Variants in ESR1 observed in about 807,000 individuals in gnomAD.
ESR1 encodes estrogen receptor.
Under a neutral mutation model 52.7 loss-of-function variants are expected in ESR1, and 12 were observed. The observed-to-expected ratio is 0.23, with a 90% confidence interval of 0.15 to 0.37. The LOEUF (loss-of-function observed/expected upper bound fraction) is 0.37, where lower values mean the gene tolerates loss of function less well. ESR1 is among the 10% of genes least tolerant of loss of function. The pLI is 1.00. For synonymous variants in ESR1, 305 were observed against 316.8 expected (o/e 0.96, Z 0.39); for missense variants, 584 against 779.7 (o/e 0.75, Z 2.99).
At chr6:151,847,259 C>A (rs984894156) in intron 2 of ESR1, among the ~76,000 whole-genome samples, 1 of 152,304 alleles carries the variant, frequency 6.6e-6, no homozygotes, top group Non-Finnish European at 1.5e-5. Flanking sequence ...CAGTCCAGCA[C>A]CCTGGATAGC....
intron 3 of ESR1, among the ~76,000 whole-genome samples, chr6:151,932,621 G>A (rs1397719648): frequency 5.1e-5 from 7 of 136,992 alleles, no homozygotes; most frequent in African/African-American, 1.7e-4. Context: ...ATCTTGAATT[G>A]ATTTTTGTAT....
Position 151,880,955 on chromosome 6 carries a change from G to A in ESR1, c.760+184G>A, listed in dbSNP as rs9340848. Among the ~76,000 whole-genome samples, 621 of 152,256 alleles carry A rather than the reference G, an allele frequency of 4.1e-3. 7 individuals carry two copies. Among genetic ancestry groups the A allele is most frequent in the African/African-American group, 0.014 (598 of 41,542 alleles). On this transcript the variant is annotated intron_variant, in intron 3 of 7. Coordinates refer to ENST00000206249, the MANE Select transcript of ESR1 (RefSeq NM_000125.4). Reference sequence around the variant, plus strand: ...TCCATTTTATTTTAAAAAGGTGGAAGTGTCTGGAACTGGAAATTCTAACAT... The same window carrying A: ...TCCATTTTATTTTAAAAAGGTGGAAATGTCTGGAACTGGAAATTCTAACAT...
chr6:151,816,437 G>A (rs1271984757), intron 1 of ESR1, among the ~76,000 whole-genome samples: 1 of 152,166 alleles, frequency 6.6e-6, no homozygotes, highest in Admixed American at 6.5e-5. Context: ...TGGATGATGT[G>A]AGGATTAAAC....
intron 3 of ESR1, among the ~76,000 whole-genome samples, chr6:151,882,345 A>G (rs570813731): frequency 3.3e-5 from 5 of 152,230 alleles, no homozygotes; most frequent in Non-Finnish European, 4.4e-5. Context: ...AGCTGTGACT[A>G]TGACTATACA....
intron 1 of ESR1, among the ~76,000 whole-genome samples, chr6:151,838,698 G>C (rs904903793): frequency 3.3e-5 from 5 of 152,002 alleles, no homozygotes; most frequent in African/African-American, 7.3e-5. Context: ...GTAAGTCTGG[G>C]CCAAAATGAT....
intron 2 of ESR1, among the ~76,000 whole-genome samples, chr6:151,850,505 A>G (rs1387244126): frequency 6.6e-6 from 1 of 151,904 alleles, no homozygotes; most frequent in Non-Finnish European, 1.5e-5. Flanking sequence ...CAAAGCAAGG[A>G]ACACCAAAGA....
At chr6:152,019,598 A>C (rs1382575010) in intron 5 of ESR1, among the ~76,000 whole-genome samples, 1 of 152,238 alleles carries the variant, frequency 6.6e-6, no homozygotes, top group African/African-American at 2.4e-5. Context: ...TAACATTTTT[A>C]CACACCACAT....
chr6:151,739,755 T>C (rs1321924215), intron 2 of ESR1, among the ~76,000 whole-genome samples: 1 of 152,272 alleles, frequency 6.6e-6, no homozygotes, highest in Non-Finnish European at 1.5e-5. Flanking sequence ...TAAGTTCATT[T>C]TGGACTTCTG....
chr6:151,671,098 A>G (rs942467266), intron 1 of ESR1, among the ~76,000 whole-genome samples: 9 of 152,176 alleles, frequency 5.9e-5, no homozygotes, highest in African/African-American at 2.2e-4. Flanking sequence ...GAGAGGAGTT[A>G]GAGGAAATTG....
At chr6:151,718,714 A>G (rs1054804249) in intron 2 of ESR1, among the ~76,000 whole-genome samples, 2 of 152,232 alleles carry the variant, frequency 1.3e-5, no homozygotes, top group East Asian at 3.8e-4. Flanking sequence ...CCTTAAAAAT[A>G]TCTTTTAGTT....
intron 4 of ESR1, among the ~76,000 whole-genome samples, chr6:151,967,944 G>T (rs900307165): frequency 3.3e-5 from 5 of 152,138 alleles, no homozygotes; most frequent in African/African-American, 1.2e-4. Context: ...GGGATGATCA[G>T]CTTTTTTTCA....
At position 152,053,918 on chromosome 6, in the gene ESR1, A is replaced by G. The variant is rs2046895662; in HGVS notation, c.1236-7073A>G. 1.3e-5 allele frequency among the ~76,000 whole-genome samples: 2 copies of G among 152,190 alleles called. No homozygotes were observed. Among genetic ancestry groups the G allele is most frequent in the South Asian group, 4.1e-4 (2 of 4,828 alleles). ...TGTAGAAAATATATGTATAGGAATAATTGCACATTGTTTGTTGTAGCTGAA... is the reference window on the plus strand; with the variant it reads ...TGTAGAAAATATATGTATAGGAATAGTTGCACATTGTTTGTTGTAGCTGAA... On this transcript the variant is annotated intron_variant, in intron 5 of 7. Transcript: ENST00000206249. The surrounding 1 kb of genome is among the most constrained non-coding windows in gnomAD (Gnocchi z 4.1).
intron 4 of ESR1, among the ~76,000 whole-genome samples, chr6:151,965,900 A>G (rs1455569954): frequency 1.3e-5 from 2 of 152,302 alleles, no homozygotes; most frequent in Non-Finnish European, 2.9e-5. Context: ...TACAACTAGC[A>G]TTCAAAACAT....
intron 4 of ESR1, among the ~76,000 whole-genome samples, chr6:151,948,798 G>A (rs995193739): frequency 1.3e-5 from 2 of 152,160 alleles, no homozygotes; most frequent in Admixed American, 1.3e-4. Flanking sequence ...TTGTCTCGAG[G>A]ATGCATGGTT....
chr6:151,713,301 T>A (rs1052921634), intron 2 of ESR1, among the ~76,000 whole-genome samples: 1 of 152,200 alleles, frequency 6.6e-6, no homozygotes, highest in African/African-American at 2.4e-5. Flanking sequence ...GAAATTTTCT[T>A]TTTTTGTTGT....
intron 5 of ESR1, among the ~76,000 whole-genome samples, chr6:152,021,781 G>T (rs1286759352): frequency 6.6e-6 from 1 of 152,028 alleles, no homozygotes; most frequent in African/African-American, 2.4e-5. Context: ...TCATGGGGGT[G>T]GTTTCTCCCA....
chr6:151,727,854 G>A (rs1000349149), intron 2 of ESR1, among the ~76,000 whole-genome samples: 2 of 152,106 alleles, frequency 1.3e-5, no homozygotes, highest in East Asian at 1.9e-4. Flanking sequence ...CATGTAAGAC[G>A]TGCCTTGGCT....
chr6:151,818,879 C>T (rs979439893), intron 1 of ESR1, among the ~76,000 whole-genome samples: 2 of 151,970 alleles, frequency 1.3e-5, no homozygotes, highest in Admixed American at 6.6e-5. Flanking sequence ...CATATATACT[C>T]CCCAACCTGA....
chr6:151,734,552 G>A (rs1444909517), intron 2 of ESR1, among the ~76,000 whole-genome samples: 1 of 152,116 alleles, frequency 6.6e-6, no homozygotes, highest in Non-Finnish European at 1.5e-5. Context: ...TCACCACCTG[G>A]GTGACAAGGT....
Sources: gnomAD v4.1 joint callset for allele counts (sites outside exome capture counted in the v4.1 genomes callset) on GRCh38, gnomAD v4.1.1 for gene constraint, Gnocchi (gnomAD v3.1) non-coding constraint, MANE v1.5 for transcripts, NCBI Gene and HGNC (gene_info 2026-07-23, HGNC 2026-07-21) for gene names.